Variants in ADGRL3 observed in about 807,000 individuals in gnomAD.
The protein encoded by ADGRL3 is calcium-independent alpha-latrotoxin receptor 3.
Under a neutral mutation model 153.5 loss-of-function variants are expected in ADGRL3, and 62 were observed. The observed-to-expected ratio is 0.40, with a 90% confidence interval of 0.33 to 0.50. The LOEUF is 0.50. Among genes scored for constraint, ADGRL3 ranks in the 20% least tolerant of loss-of-function variants. The probability of loss-of-function intolerance (pLI) is 0.47; values close to 1 mark genes in which losing one functional copy is unlikely to be tolerated. For synonymous variants in ADGRL3, 710 were observed against 672.5 expected, an observed-to-expected ratio of 1.06 and a Z score of -0.86; for missense variants, 1,641 against 1,859.4, an observed-to-expected ratio of 0.88 and a Z score of 2.16.
chr4:61,909,643 C>T lies in ADGRL3; in HGVS notation c.1971C>T (p.Thr657=). Residue 657 remains threonine (T), a synonymous_variant, in exon 12 of 27, where the codon ACC becomes ACT. Coordinates refer to ENST00000683033, the MANE Select transcript of ADGRL3 (RefSeq NM_001387552.1). ...TRNHLNAGDI[T]YSVRAMDQLV... ...ATCACTTGAATGCTGGGGACATCAC[C>T]TACTCTGTCCGGGCCATGGACCAGC... 6.2e-7 allele frequency: 1 copy of T among 1,612,604 alleles called. No individual in the cohort carries two copies.
At chr4:61,631,840 G>C (rs2093185501) in intron 5 of ADGRL3, among the ~76,000 whole-genome samples, 1 of 151,500 alleles carries the variant, frequency 6.6e-6, no homozygotes, top group Non-Finnish European at 1.5e-5. Flanking sequence ...TGTTAGCCAG[G>C]ATGGTCTTAA....
intron 4 of ADGRL3, among the ~76,000 whole-genome samples, chr4:61,557,745 A>G (rs768746935): frequency 3.6e-4 from 54 of 151,916 alleles, no homozygotes; most frequent in Non-Finnish European, 6.0e-4. Context: ...GAGAAAGTAT[A>G]TACTTTGGCT....
Position 62,077,512 on chromosome 4 carries a change from T to C in ADGRL3, c.*6604T>C, listed in dbSNP as rs1747535497. ...CTGACTTCAAAATGAAATATATTGA[T>C]TGCTCTCAAAAGATGTTTGACAAAG... On this transcript the variant is annotated 3_prime_UTR_variant, in exon 27 of 27. Transcript: ENST00000683033. 3 of 152,014 alleles carry C rather than the reference T, an allele frequency of 2.0e-5. No homozygotes were observed. The highest frequency in any genetic ancestry group is 2.0e-4 in the Admixed American group (3 of 15,246). The allele number at this position is 152,014 out of a possible 1,614,324, so 9.4% of individuals were successfully genotyped here. A position where few individuals can be genotyped will look rare whatever the true frequency, so the allele number is the denominator to read the frequency against.
intron 5 of ADGRL3, among the ~76,000 whole-genome samples, chr4:61,663,741 AAACTT>A (rs2094690275): frequency 6.6e-6 from 1 of 152,186 alleles, no homozygotes; most frequent in Non-Finnish European, 1.5e-5. Context: ...TCTTTCAACT[AAACTT>A]TAAAACATTG....
intron 5 of ADGRL3, among the ~76,000 whole-genome samples, chr4:61,603,154 C>A (rs1016674414): frequency 2.0e-5 from 3 of 152,028 alleles, no homozygotes; most frequent in African/African-American, 7.2e-5. Context: ...TTCAATAGAC[C>A]ACATAAGTAA....
intron 8 of ADGRL3, among the ~76,000 whole-genome samples, chr4:61,753,174 C>G (rs995784244): frequency 6.7e-6 from 1 of 150,234 alleles, no homozygotes; most frequent in Non-Finnish European, 1.5e-5. Context: ...CTCCCCTCCC[C>G]GAACTCCTCT....
chr4:61,937,754 G>A (rs776675251), intron 15 of ADGRL3, among the ~76,000 whole-genome samples: 12 of 152,122 alleles, frequency 7.9e-5, no homozygotes, highest in African/African-American at 1.4e-4. Flanking sequence ...GTACTTCAGT[G>A]CCTGGTCCAT....
chr4:61,919,535 A>G (rs898994016), intron 13 of ADGRL3, among the ~76,000 whole-genome samples: 3 of 152,194 alleles, frequency 2.0e-5, no homozygotes, highest in African/African-American at 7.2e-5. Flanking sequence ...TTTTTCAGAT[A>G]AAGAATGGTT....
chr4:61,567,674 C>T (rs111948148), intron 4 of ADGRL3, among the ~76,000 whole-genome samples: 1 of 152,116 alleles, frequency 6.6e-6, no homozygotes, highest in Non-Finnish European at 1.5e-5. Flanking sequence ...TAGGACAAAG[C>T]CTTAAGTAAC....
chr4:62,031,398 A>T lies in ADGRL3; in HGVS notation c.3423-44A>T, dbSNP rs377733705. On this transcript the variant is annotated intron_variant, in intron 22 of 26. Transcript: ENST00000683033. ...TTGATCTGATATGGTTGTTAATTAA[A>T]GATCAATTATTTAATAACCCTTAAT... The T allele has an allele frequency of 3.8e-5, 56 of 1,476,214 alleles. No individual in the cohort carries two copies. The Admixed American group carries it at 5.0e-4, about 13-fold the overall frequency. The allele number at this position is 1,476,214 out of a possible 1,614,324, so 91.4% of individuals were successfully genotyped here.
chr4:61,402,083 A>C lies in ADGRL3; in HGVS notation c.-174+18894A>C, dbSNP rs531655007. On this transcript the variant is annotated intron_variant, in intron 2 of 26. Transcript: ENST00000683033. ...AGGTGCTGAAATTTGAGGTTCCTATAATTTTCACATGTCATGAAATATTTC... is the reference window on the plus strand; with the variant it reads ...AGGTGCTGAAATTTGAGGTTCCTATCATTTTCACATGTCATGAAATATTTC... Among the ~76,000 whole-genome samples the C allele has an allele frequency of 9.2e-5, 14 of 152,202 alleles. No homozygotes were observed. In the East Asian group the frequency reaches 2.5e-3, roughly 27 times the overall value.
At chr4:61,712,615 C>T (rs1375385714) in intron 6 of ADGRL3, among the ~76,000 whole-genome samples, 1 of 152,142 alleles carries the variant, frequency 6.6e-6, no homozygotes, top group African/African-American at 2.4e-5. Context: ...ATTCCATTCA[C>T]TTAATTGAAT....
intron 1 of ADGRL3, among the ~76,000 whole-genome samples, chr4:61,233,105 TC>T (rs763568243): frequency 6.6e-6 from 1 of 152,204 alleles, no homozygotes; most frequent in Non-Finnish European, 1.5e-5. Flanking sequence ...AAAGTCATTA[TC>T]CAGTTTATTT....
At chr4:62,010,062 G>A (rs2099177573) in intron 21 of ADGRL3, among the ~76,000 whole-genome samples, 1 of 152,056 alleles carries the variant, frequency 6.6e-6, no homozygotes, top group South Asian at 2.1e-4. Context: ...TCCCACACAT[G>A]TAGATGTTTT....
intron 6 of ADGRL3, among the ~76,000 whole-genome samples, chr4:61,690,970 C>T (rs528249382): frequency 1.3e-5 from 2 of 152,274 alleles, no homozygotes; most frequent in East Asian, 1.9e-4. Context: ...CACTAATACT[C>T]ATATTAAATG....
intron 8 of ADGRL3, among the ~76,000 whole-genome samples, chr4:61,781,656 A>AT (rs2097215981): frequency 6.6e-6 from 1 of 152,136 alleles, no homozygotes; most frequent in South Asian, 2.1e-4. Flanking sequence ...ACTCTACCCT[A>AT]TTTCTATTAG....
intron 1 of ADGRL3, among the ~76,000 whole-genome samples, chr4:61,215,543 T>A (rs1742261427): frequency 2.0e-4 from 4 of 20,170 alleles, no homozygotes; most frequent in African/African-American, 4.6e-4. Flanking sequence ...ATTATGGAAT[T>A]TTTTTTTTTT....
At chr4:61,945,898 G>C (rs535679754) in intron 15 of ADGRL3, among the ~76,000 whole-genome samples, 3,751 of 152,198 alleles carry the variant, frequency 0.025, 151 homozygotes, top group African/African-American at 0.086. Flanking sequence ...CCCGTCTTCT[G>C]CGTCGCTCAC....
chr4:61,644,268 G>GATATTTT (rs534607455), intron 5 of ADGRL3, among the ~76,000 whole-genome samples: 1 of 145,466 alleles, frequency 6.9e-6, no homozygotes, highest in African/African-American at 2.5e-5. Context: ...TTTTTGAAGG[G>GATATTTT]TTTTTTGTGT....
Sources: allele counts gnomAD v4.1 joint callset (sites outside exome capture counted in the v4.1 genomes callset), GRCh38; gene constraint gnomAD v4.1.1; transcripts MANE v1.5; gene names NCBI Gene and HGNC (gene_info 2026-07-23, HGNC 2026-07-21).